SYT6: variants seen among roughly 807,000 people sequenced by gnomAD.
SYT6 encodes the protein synaptotagmin 6.
SYT6 carries 24 observed loss-of-function variants against 38.4 expected under a neutral mutation model. That is an observed-to-expected ratio of 0.62 (90% CI 0.45 to 0.88). The LOEUF (loss-of-function observed/expected upper bound fraction) is 0.88, where lower values mean the gene tolerates loss of function less well. Ranked by LOEUF, SYT6 falls within the 40% of genes least tolerant of loss-of-function variation. SYT6 has a pLI of 0.00. For missense variants in SYT6, 611 were observed against 621.0 expected, an observed-to-expected ratio of 0.98 and a Z score of 0.17; for synonymous variants, 265 against 241.9, an observed-to-expected ratio of 1.10 and a Z score of -0.89.
intron 3 of SYT6, among the ~76,000 whole-genome samples, chr1:114,115,899 C>T (rs988091346): frequency 3.9e-5 from 6 of 152,144 alleles, no homozygotes; most frequent in African/African-American, 1.4e-4. Flanking sequence ...TCCCACCCAG[C>T]CTCCTCTGGG....
At chr1:114,123,805 A>G (rs570284351) in intron 3 of SYT6, among the ~76,000 whole-genome samples, 80 of 152,338 alleles carry the variant, frequency 5.3e-4, no homozygotes, top group Middle Eastern at 3.4e-3. Context: ...CAGACAAAGC[A>G]AACAACACTG....
chr1:114,132,600 C>G lies in SYT6; in HGVS notation c.1071+4895G>C, dbSNP rs140956494. Among the ~76,000 whole-genome samples, 594 of 152,288 alleles carry G rather than the reference C, an allele frequency of 3.9e-3. 5 individuals carry two copies. The highest frequency in any genetic ancestry group is 0.014 in the African/African-American group (569 of 41,554). On this transcript the variant is annotated intron_variant, in intron 3 of 7. Transcript: ENST00000610222. ...GGAAAGTCACTTTTTCAAGGTCACACAGAAAACACATGGCATAGCCAAGAC... is the reference window on the plus strand; with the variant it reads ...GGAAAGTCACTTTTTCAAGGTCACAGAGAAAACACATGGCATAGCCAAGAC...
At chr1:114,104,495 C>T (rs1676161423) in intron 3 of SYT6, among the ~76,000 whole-genome samples, 2 of 152,160 alleles carry the variant, frequency 1.3e-5, no homozygotes, top group Non-Finnish European at 2.9e-5. Context: ...TAAACAGTGC[C>T]TTGCCAGGTT....
intron 3 of SYT6, among the ~76,000 whole-genome samples, chr1:114,123,043 C>T (rs1157951716): frequency 6.6e-6 from 1 of 152,234 alleles, no homozygotes; most frequent in African/African-American, 2.4e-5. Context: ...TGCCCTCCTT[C>T]CTGCCTTTTT....
intron 3 of SYT6, among the ~76,000 whole-genome samples, chr1:114,105,455 A>AC (rs56144101): frequency 0.75 from 109,631 of 145,256 alleles, 41,543 homozygotes; most frequent in East Asian, 0.91. Context: ...GAAAAAAGTC[A>AC]CCCCCCAAAT....
At position 114,140,211 on chromosome 1, in the gene SYT6, G is replaced by A. The variant is rs954012913; in HGVS notation, c.164-248C>T. 3.5e-5 allele frequency among the ~76,000 whole-genome samples: 5 copies of A among 140,902 alleles called. No homozygotes were observed. In the East Asian group the frequency reaches 6.4e-4, roughly 18 times the overall value. The allele number at this position is 140,902 out of a possible 152,430, so 92.4% of individuals were successfully genotyped here. ...TTCTTCCAGCATCATCCTCTCTCCC[G>A]CCCCCACCCCTATCCCCCCAGCCAG... On this transcript the variant is annotated intron_variant, in intron 1 of 7. Coordinates refer to ENST00000610222, the MANE Select transcript of SYT6 (RefSeq NM_001253772.2).
chr1:114,144,714 C>T (rs946778774), intron 1 of SYT6, among the ~76,000 whole-genome samples: 1 of 152,124 alleles, frequency 6.6e-6, no homozygotes, highest in East Asian at 1.9e-4. Flanking sequence ...TGCCCAGTCC[C>T]CTGCTAAGGG....
intron 4 of SYT6, among the ~76,000 whole-genome samples, chr1:114,100,636 G>A (rs1025789047): frequency 2.6e-5 from 4 of 152,196 alleles, no homozygotes; most frequent in Non-Finnish European, 5.9e-5. Flanking sequence ...TCAACCTGCT[G>A]TCTCAAACTA....
Position 114,097,890 on chromosome 1 carries a change from CA to C in SYT6, c.1365-14del. ...ATTGTGGCCCACTCTGAGGGAGAAA[CA>C]AAAGTCCCAGCACTGGCTACCAGAC... On this transcript the variant is annotated splice_polypyrimidine_tract_variant and intron_variant, in intron 5 of 7. Transcript: ENST00000610222. 6.2e-7 allele frequency: 1 copy of C among 1,613,624 alleles called. No individual in the cohort carries two copies. The highest frequency in any genetic ancestry group is 2.2e-5 in the East Asian group (1 of 44,872).
chr1:114,099,441 A>T (rs528509348), intron 4 of SYT6, among the ~76,000 whole-genome samples, 176 bp from the exon 5 acceptor site: 1 of 152,158 alleles, frequency 6.6e-6, no homozygotes, highest in African/African-American at 2.4e-5. Context: ...GTCTCTGAGG[A>T]CACTCTGTGC....
chr1:114,127,042 A>G (rs1422348076), intron 3 of SYT6, among the ~76,000 whole-genome samples: 1 of 152,240 alleles, frequency 6.6e-6, no homozygotes, highest in African/African-American at 2.4e-5. Flanking sequence ...AACAACTTAA[A>G]TAAGAACACC....
chr1:114,138,179 T>C lies in SYT6; in HGVS notation c.513-126A>G, dbSNP rs572472605. 4.4e-6 allele frequency: 4 copies of C among 903,276 alleles called. No homozygotes were observed. In the South Asian group the frequency reaches 7.1e-5, roughly 16 times the overall value. 56.0% of individuals were successfully genotyped at this position (903,276 alleles called of 1,614,324 possible). On this transcript the variant is annotated intron_variant, in intron 2 of 7. Coordinates refer to ENST00000610222, the MANE Select transcript of SYT6 (RefSeq NM_001253772.2). The stretch of plus-strand genomic sequence containing the variant: ...TTGTTGAGCCCCCTTTTCCTTCCTC[T>C]TCTTGACCCCACTTTTGCTCTGCAT...
intron 6 of SYT6, among the ~76,000 whole-genome samples, chr1:114,095,949 T>G (rs1330754449): frequency 6.6e-6 from 1 of 152,120 alleles, no homozygotes; most frequent in African/African-American, 2.4e-5. Context: ...CATGAGCCAC[T>G]ATGCCTGGCT....
intron 3 of SYT6, among the ~76,000 whole-genome samples, chr1:114,115,706 C>T (rs1345454656): frequency 6.6e-6 from 1 of 152,148 alleles, no homozygotes; most frequent in Non-Finnish European, 1.5e-5. Context: ...TGAGCCACTG[C>T]ACCCAGCTCT....
In SYT6 at chr1:114,091,314, G is replaced by A. The variant is rs1019526044; in HGVS notation, c.*820C>T. ...GAAAACATATGGCGTGTTTAGTTTCGGCTGAACTGAATCATTCCTAAAGAA... is the reference window on the plus strand; with the variant it reads ...GAAAACATATGGCGTGTTTAGTTTCAGCTGAACTGAATCATTCCTAAAGAA... On this transcript the variant is annotated 3_prime_UTR_variant, in exon 8 of 8. Transcript: ENST00000610222. 4.6e-5 allele frequency: 7 copies of A among 152,546 alleles called. No homozygotes were observed. Among genetic ancestry groups the A allele is most frequent in the African/African-American group, 1.7e-4 (7 of 41,370 alleles). The allele number at this position is 152,546 out of a possible 1,614,324, so 9.4% of individuals were successfully genotyped here. A position where few individuals can be genotyped will look rare whatever the true frequency, so the allele number is the denominator to read the frequency against.
chr1:114,143,662 T>A (rs1183640486), intron 1 of SYT6, among the ~76,000 whole-genome samples: 1 of 152,146 alleles, frequency 6.6e-6, no homozygotes, highest in Non-Finnish European at 1.5e-5. Flanking sequence ...TGCAGTAGTC[T>A]GTAACTGAAC....
intron 3 of SYT6, among the ~76,000 whole-genome samples, chr1:114,123,775 T>G (rs1677558091): frequency 6.6e-6 from 1 of 152,190 alleles, no homozygotes; most frequent in African/African-American, 2.4e-5. Context: ...ATACTAAGGG[T>G]GAGCAAAAGG....
At chr1:114,124,047 G>C (rs1054808246) in intron 3 of SYT6, among the ~76,000 whole-genome samples, 14 of 152,330 alleles carry the variant, frequency 9.2e-5, no homozygotes, top group Non-Finnish European at 1.8e-4. Flanking sequence ...TGGGAGGGTT[G>C]AGATAGAAGT....
rs568033939 is a variant in SYT6, at chr1:114,134,980, G to A, written c.1071+2515C>T. ...TATAGGTACAAGCATCAGCCTTCTC[G>A]CACCTCTTCCCCCTCTTTTGCTTGA... On this transcript the variant is annotated intron_variant, in intron 3 of 7. Transcript: ENST00000610222. Among the ~76,000 whole-genome samples the A allele has an allele frequency of 3.7e-4, 56 of 152,180 alleles. No individual in the cohort carries two copies. In the South Asian group the frequency reaches 6.9e-3, roughly 19 times the overall value.
Sources: allele counts gnomAD v4.1 joint callset (sites outside exome capture counted in the v4.1 genomes callset), GRCh38; gene constraint gnomAD v4.1.1; transcripts MANE v1.5; gene names NCBI Gene and HGNC (gene_info 2026-07-23, HGNC 2026-07-21).